The following GTF3C3 variants were observed in gnomAD, a reference collection of about 807,000 sequenced individuals.
GTF3C3 encodes the protein general transcription factor IIIC subunit 3.
A neutral mutation model predicts 105.2 loss-of-function variants in GTF3C3; 75 were observed. That is an observed-to-expected ratio of 0.71 (90% CI 0.59 to 0.86). GTF3C3 has a LOEUF of 0.86. GTF3C3 is among the 40% of genes least tolerant of loss of function. The pLI is 0.00. For missense variants in GTF3C3, 856 were observed against 1,076.5 expected (o/e 0.80, Z 2.87); for synonymous variants, 335 against 370.4 (o/e 0.90, Z 1.10).
chr2:196,772,814 T>C (rs1559298497), intron 14 of GTF3C3, 102 bp downstream of exon 14: 5 of 648,292 alleles, frequency 7.7e-6, no homozygotes, highest in Middle Eastern at 4.1e-4. Context: ...TTAACCAGTT[T>C]ATTGTTTAAT....
At position 196,763,520 on chromosome 2, in the gene GTF3C3, T is replaced by G. The variant is rs1699006216; in HGVS notation, c.*1043A>C. On this transcript the variant is annotated 3_prime_UTR_variant, in exon 18 of 18. Coordinates refer to ENST00000263956, the MANE Select transcript of GTF3C3 (RefSeq NM_012086.5). The stretch of plus-strand genomic sequence containing the variant: ...TGGAGTATACAATATATTTACTTAT[T>G]GCATACAAATTCTGCTCAACTAGAA... 1 of 152,240 alleles carries G rather than the reference T, an allele frequency of 6.6e-6. No homozygotes were observed. The highest frequency in any genetic ancestry group is 2.1e-4 in the South Asian group (1 of 4,832). The allele number at this position is 152,240 out of a possible 1,614,324, so 9.4% of individuals were successfully genotyped here.
intron 4 of GTF3C3, among the ~76,000 whole-genome samples, chr2:196,790,966 AC>A (rs1483800240): frequency 2.0e-5 from 3 of 152,170 alleles, no homozygotes; most frequent in Admixed American, 6.5e-5. Flanking sequence ...ACAAGTTTAA[AC>A]TGTCTTTTAC....
intron 4 of GTF3C3, among the ~76,000 whole-genome samples, chr2:196,790,372 G>A (rs947030168): frequency 2.0e-5 from 3 of 151,978 alleles, no homozygotes; most frequent in Non-Finnish European, 4.4e-5. Flanking sequence ...GATAAACATG[G>A]CTCAATATCA....
Position 196,780,168 on chromosome 2 carries a change from T to G in GTF3C3, c.1218+391A>C, listed in dbSNP as rs1699322004. ...ACCCATGAGGGTATGGATTTGTATA[T>G]TTTACTCAATATCTTATCCTAAGGT... On this transcript the variant is annotated intron_variant, in intron 9 of 17. Coordinates refer to ENST00000263956, the MANE Select transcript of GTF3C3 (RefSeq NM_012086.5). 7.3e-6 allele frequency: 4 copies of G among 544,290 alleles called. No homozygotes were observed. In the South Asian group the frequency reaches 2.4e-4, roughly 32 times the overall value. The allele number at this position is 544,290 out of a possible 1,614,324, so 33.7% of individuals were successfully genotyped here.
rs772682869 is a variant in GTF3C3 at position 196,769,920 on chromosome 2, C to T, written c.2380G>A (p.Val794Ile). Residue 794 changes from valine (V) to isoleucine (I), a missense_variant, in exon 16 of 18, where the codon GTA becomes ATA. Val to Ile is a conservative substitution (Grantham distance 29). Around this residue, in one of 3 missense-constraint regions of GTF3C3, gnomAD observed 134 missense variants for 128.9 expected, o/e 1.04. Coordinates refer to ENST00000263956, the MANE Select transcript of GTF3C3 (RefSeq NM_012086.5). ...KYVLRRHALI[V>I]QGFSFLNRYL... ...GAGAAATTTGAATGAATTACCTGTACAATAAGAGCATGTCTCCGTAACACA... is the reference window on the plus strand; with the variant it reads ...GAGAAATTTGAATGAATTACCTGTATAATAAGAGCATGTCTCCGTAACACA... 4 of 1,606,116 alleles carry T rather than the reference C, an allele frequency of 2.5e-6. No individual in the cohort carries two copies. Among genetic ancestry groups the T allele is most frequent in the African/African-American group, 1.3e-5 (1 of 74,392 alleles).
intron 6 of GTF3C3, among the ~76,000 whole-genome samples, chr2:196,788,329 G>A (rs1699488108): frequency 6.6e-6 from 1 of 152,176 alleles, no homozygotes; most frequent in Admixed American, 6.5e-5. Context: ...AATATCATAT[G>A]GTATCTCTAG....
At chr2:196,783,581 A>G (rs1363359837) in intron 8 of GTF3C3, among the ~76,000 whole-genome samples, 1 of 151,764 alleles carries the variant, frequency 6.6e-6, no homozygotes. Context: ...CATTCACACC[A>G]CCCTGATGAC....
intron 10 of GTF3C3, chr2:196,778,312 T>G (rs1699291492): frequency 6.6e-6 from 1 of 152,340 alleles, no homozygotes; most frequent in South Asian, 2.1e-4. Flanking sequence ...CTATTCGATT[T>G]TTAATGCATC....
intron 8 of GTF3C3, chr2:196,780,976 A>AGT: frequency 5.4e-6 from 1 of 183,800 alleles, no homozygotes; most frequent in Non-Finnish European, 1.1e-5. Flanking sequence ...TGAATTGAAA[A>AGT]GTCTCTTTTT....
intron 15 of GTF3C3, 120 bp downstream of exon 15, chr2:196,771,625 CAGG>C: frequency 3.2e-6 from 2 of 621,070 alleles, no homozygotes; most frequent in Non-Finnish European, 5.8e-6. Flanking sequence ...GAAACTGAGG[CAGG>C]AGGAGGTAGA....
intron 8 of GTF3C3, among the ~76,000 whole-genome samples, chr2:196,783,931 CA>C (rs920355099): frequency 8.5e-5 from 13 of 152,282 alleles, no homozygotes; most frequent in African/African-American, 3.1e-4. Flanking sequence ...TTCCCTTCCC[CA>C]AAAACTTTCC....
intron 8 of GTF3C3, among the ~76,000 whole-genome samples, chr2:196,783,491 T>C (rs1334523076): frequency 6.6e-6 from 1 of 152,174 alleles, no homozygotes; most frequent in African/African-American, 2.4e-5. Context: ...CAGGTCCTAG[T>C]AAAGTATCAA....
In GTF3C3 at chr2:196,769,945, A is replaced by G; in HGVS notation, c.2355T>C (p.Tyr785=). The G allele has an allele frequency of 6.2e-7, 1 of 1,607,398 alleles. No homozygotes were observed. The highest frequency in any genetic ancestry group is 2.2e-5 in the East Asian group (1 of 44,644). Residue 785 remains tyrosine (Y), a synonymous_variant, in exon 16 of 18, where the codon TAT becomes TAC. Transcript: ENST00000263956. The part of the protein sequence containing the change: ...LTFIHMASQK[Y]VLRRHALIVQ... Reference sequence around the variant, plus strand: ...CAATAAGAGCATGTCTCCGTAACACATACTTCTGAGATGCCATATGAATAA... The same window carrying G: ...CAATAAGAGCATGTCTCCGTAACACGTACTTCTGAGATGCCATATGAATAA...
chr2:196,767,778 A>G (rs975917688), intron 16 of GTF3C3, among the ~76,000 whole-genome samples: 1 of 152,248 alleles, frequency 6.6e-6, no homozygotes, highest in African/African-American at 2.4e-5. Flanking sequence ...AAAGATAAAA[A>G]TATGAGGAAA....
At chr2:196,769,533 T>C (rs1377539889) in intron 16 of GTF3C3, among the ~76,000 whole-genome samples, 1 of 152,230 alleles carries the variant, frequency 6.6e-6, no homozygotes, top group Non-Finnish European at 1.5e-5. Context: ...TTGTTGGTGA[T>C]GGTGTAAGGA....
chr2:196,798,428 G>A lies in GTF3C3; in HGVS notation c.103-520C>T, dbSNP rs147783447. ...TGGTCTCAGCTACTTGGAGGCTGAG[G>A]TAGGAGGACTGCTTGAGTCCGGGAG... On this transcript the variant is annotated intron_variant, in intron 1 of 17. Coordinates refer to ENST00000263956, the MANE Select transcript of GTF3C3 (RefSeq NM_012086.5). Among the ~76,000 whole-genome samples, 166 of 152,202 alleles carry A rather than the reference G, an allele frequency of 1.1e-3. No individual in the cohort carries two copies. In the East Asian group the frequency reaches 0.019, roughly 17 times the overall value.
At chr2:196,787,642 C>T in intron 6 of GTF3C3, among the ~76,000 whole-genome samples, 1 of 152,190 alleles carries the variant, frequency 6.6e-6, no homozygotes, top group East Asian at 1.9e-4. Context: ...ACCCCCACCA[C>T]ATACCTCAAA....
intron 17 of GTF3C3, among the ~76,000 whole-genome samples, chr2:196,765,270 GACCTATGTTTCTA>G (rs1205149314): frequency 1.3e-5 from 2 of 151,752 alleles, no homozygotes; most frequent in African/African-American, 4.8e-5. Flanking sequence ...GACTAGATTA[GACCTATGTTTCTA>G]ATCTTCCCCA....
chr2:196,766,001 C>T lies in GTF3C3; in HGVS notation c.2538+564G>A, dbSNP rs550101704. On this transcript the variant is annotated intron_variant, in intron 17 of 17. Coordinates refer to ENST00000263956, the MANE Select transcript of GTF3C3 (RefSeq NM_012086.5). ...CTCCAGCCTGGGCCACAGAGCAAGA[C>T]TCTGTCTCCAAAAAAAAAAAAAAAA... is the stretch of plus-strand genomic sequence containing the variant. 5.0e-3 allele frequency among the ~76,000 whole-genome samples: 538 copies of T among 107,020 alleles called. 6 individuals carry two copies. The highest frequency in any genetic ancestry group is 0.017 in the African/African-American group (504 of 29,540). The allele number at this position is 107,020 out of a possible 152,430, so 70.2% of individuals were successfully genotyped here. A position where few individuals can be genotyped will look rare whatever the true frequency, so the allele number is the denominator to read the frequency against.
Sources: allele counts gnomAD v4.1 joint callset (sites outside exome capture counted in the v4.1 genomes callset), GRCh38; gene constraint gnomAD v4.1.1; regional missense constraint gnomAD v4.1.1; transcripts MANE v1.5; gene names NCBI Gene and HGNC (gene_info 2026-07-23, HGNC 2026-07-21).